Variants in TGFBR1 observed in about 807,000 individuals in gnomAD.
The protein encoded by TGFBR1 is TGF-beta receptor type-1.
TGFBR1 carries 20 observed loss-of-function variants against 55.1 expected under a neutral mutation model. That is an observed-to-expected ratio of 0.36 (90% CI 0.26 to 0.53). The LOEUF (loss-of-function observed/expected upper bound fraction) is 0.53. Among genes scored for constraint, TGFBR1 ranks in the 20% least tolerant of loss-of-function variants. The pLI is 0.91. For missense variants in TGFBR1, 385 were observed against 617.6 expected (o/e 0.62, Z 3.99); for synonymous variants, 220 against 214.8 (o/e 1.02, Z -0.21).
chr9:99,131,389 C>A (rs1451772448), intron 2 of TGFBR1, among the ~76,000 whole-genome samples: 2 of 152,056 alleles, frequency 1.3e-5, no homozygotes, highest in Non-Finnish European at 2.9e-5. Context: ...AAAGAAATTA[C>A]TAGAAATAGG....
chr9:99,128,499 A>AAG (rs1554698810), intron 1 of TGFBR1, among the ~76,000 whole-genome samples: 1 of 148,618 alleles, frequency 6.7e-6, no homozygotes, highest in Non-Finnish European at 1.5e-5. Flanking sequence ...AAAAAAAAAA[A>AAG]GTATAACCAT....
Position 99,132,740 on chromosome 9 carries a change from G to A in TGFBR1, c.574+1G>A. ...ATGACAACGTCAGGTTCTGGCTCAG[G>A]TAACATAATTGTTTCTCCTTTTTCC... is the stretch of plus-strand genomic sequence containing the variant. On this transcript the variant is annotated splice_donor_variant, in intron 3 of 8. Transcript: ENST00000374994. LOFTEE classifies it high-confidence loss of function. 1.9e-6 allele frequency: 3 copies of A among 1,614,122 alleles called. No homozygotes were observed. The highest frequency in any genetic ancestry group is 2.5e-6 in the Non-Finnish European group (3 of 1,180,010).
At chr9:99,120,348 T>C (rs1380989620) in intron 1 of TGFBR1, among the ~76,000 whole-genome samples, 1 of 152,218 alleles carries the variant, frequency 6.6e-6, no homozygotes. Context: ...ATAAGAAATT[T>C]GGTTATTGTT....
At chr9:99,112,249 A>C (rs1196552258) in intron 1 of TGFBR1, among the ~76,000 whole-genome samples, 1 of 152,166 alleles carries the variant, frequency 6.6e-6, no homozygotes, top group Non-Finnish European at 1.5e-5. Flanking sequence ...TTTGAAACAA[A>C]GAAATCAGAG....
chr9:99,144,707 T>C (rs774778668), intron 5 of TGFBR1, 25 bp from the exon 6 acceptor site: 16 of 1,613,190 alleles, frequency 9.9e-6, no homozygotes, highest in Non-Finnish European at 1.4e-5. Context: ...TTTTAAGCAG[T>C]CATGTTTAAT....
intron 1 of TGFBR1, chr9:99,127,637 T>C (rs1247263474): frequency 1.1e-5 from 3 of 268,172 alleles, no homozygotes; most frequent in Non-Finnish European, 2.2e-5. Flanking sequence ...GCAAGTTAGC[T>C]CTTCAGGGAG....
intron 1 of TGFBR1, among the ~76,000 whole-genome samples, chr9:99,119,312 C>T (rs1014102475): frequency 2.6e-5 from 4 of 152,134 alleles, no homozygotes; most frequent in African/African-American, 9.7e-5. Context: ...GTATGTCATT[C>T]CCCTAGCCCA....
rs76392135 is a variant in TGFBR1 at position 99,152,008 on chromosome 9, G to C, written c.*2703G>C. On this transcript the variant is annotated 3_prime_UTR_variant, in exon 9 of 9. Transcript: ENST00000374994. ...GGAGAAATGGGGATGGGGGAAATAC[G>C]ACTTAGTGAGGCATAGACATCCCTG... 1.0e-5 allele frequency: 2 copies of C among 197,610 alleles called. No homozygotes were observed. The highest frequency in any genetic ancestry group is 2.1e-5 in the Non-Finnish European group (2 of 95,440). The allele number at this position is 197,610 out of a possible 1,614,324, so 12.2% of individuals were successfully genotyped here. A position where few individuals can be genotyped will look rare whatever the true frequency, so the allele number is the denominator to read the frequency against.
At position 99,124,966 on chromosome 9, in the gene TGFBR1, C is replaced by T. The variant is rs1826997225; in HGVS notation, c.98-3889C>T. On this transcript the variant is annotated intron_variant, in intron 1 of 8. Coordinates refer to ENST00000374994, the MANE Select transcript of TGFBR1 (RefSeq NM_004612.4). Reference sequence around the variant, plus strand: ...ATATAAAACCCTTATGTTCTTGGCTCATACACCACTATAAACCAAATCTGC... The same window carrying T: ...ATATAAAACCCTTATGTTCTTGGCTTATACACCACTATAAACCAAATCTGC... 2.0e-5 allele frequency among the ~76,000 whole-genome samples: 3 copies of T among 152,026 alleles called. No homozygotes were observed. In the South Asian group the frequency reaches 6.2e-4, roughly 32 times the overall value.
rs1827839566 is a variant in TGFBR1, at chr9:99,147,652, A to C, written c.1256-2A>C. The C allele has an allele frequency of 6.2e-7, 1 of 1,612,816 alleles. No individual in the cohort carries two copies. Among genetic ancestry groups the C allele is most frequent in the South Asian group, 1.1e-5 (1 of 91,070 alleles). ...AATTTAATTTTTTTTAAACTGATAC[A>C]GGAATTCATGAAGATTACCAACTGC... On this transcript the variant is annotated splice_acceptor_variant, in intron 7 of 8. Coordinates refer to ENST00000374994, the MANE Select transcript of TGFBR1 (RefSeq NM_004612.4). LOFTEE classifies it high-confidence loss of function.
intron 1 of TGFBR1, among the ~76,000 whole-genome samples, chr9:99,105,863 T>A (rs2118182082): frequency 6.6e-6 from 1 of 152,164 alleles, no homozygotes; most frequent in South Asian, 2.1e-4. Flanking sequence ...GGGGGCGACG[T>A]GTGGTGAGAC....
intron 1 of TGFBR1, among the ~76,000 whole-genome samples, chr9:99,120,581 A>G (rs1452345344): frequency 6.6e-6 from 1 of 152,196 alleles, no homozygotes. Context: ...ACATGCTTCT[A>G]AAATACCAGT....
In TGFBR1 at chr9:99,129,031, A is replaced by C. The variant is rs1382306770; in HGVS notation, c.274A>C (p.Thr92Pro). The change falls in exon 2 of 9, where the codon ACT (threonine) becomes CCT (proline). Residue 92 changes from threonine to proline, a missense_variant. Coordinates refer to ENST00000374994, the MANE Select transcript of TGFBR1 (RefSeq NM_004612.4). Reference protein sequence around the residue: ...RPFVCAPSSKTGSVTTTYCCN... With the variant: ...RPFVCAPSSKPGSVTTTYCCN... Reference sequence around the variant, plus strand: ...GTTTGTATGTGCACCCTCTTCAAAAACTGGGTCTGTGACTACAACATATTG... The same window carrying C: ...GTTTGTATGTGCACCCTCTTCAAAACCTGGGTCTGTGACTACAACATATTG... The C allele has an allele frequency of 6.2e-7, 1 of 1,613,966 alleles. No homozygotes were observed. Among genetic ancestry groups the C allele is most frequent in the Admixed American group, 1.7e-5 (1 of 59,986 alleles).
chr9:99,134,652 C>T (rs1827363266), intron 3 of TGFBR1, among the ~76,000 whole-genome samples: 1 of 151,496 alleles, frequency 6.6e-6, no homozygotes, highest in South Asian at 2.1e-4. Flanking sequence ...CGGAAAGACA[C>T]AGCACTCATG....
rs1554702262 is a variant in TGFBR1 at position 99,146,610 on chromosome 9, G to A, written c.1255+1G>A. ...ATTGCTCGACGATGTTCCATTGGTG[G>A]TAAATTGCTCTCCTCTCCCCCAGTA... On this transcript the variant is annotated splice_donor_variant, in intron 7 of 8. Transcript: ENST00000374994. LOFTEE classifies it high-confidence loss of function. The A allele has an allele frequency of 1.2e-6, 2 of 1,613,902 alleles. No individual in the cohort carries two copies. Among genetic ancestry groups the A allele is most frequent in the Non-Finnish European group, 1.7e-6 (2 of 1,179,840 alleles).
intron 1 of TGFBR1, among the ~76,000 whole-genome samples, chr9:99,123,718 C>G (rs1826958966): frequency 6.6e-6 from 1 of 152,014 alleles, no homozygotes; most frequent in Non-Finnish European, 1.5e-5. Flanking sequence ...ACTGAATTGC[C>G]TAGATGATAT....
intron 1 of TGFBR1, among the ~76,000 whole-genome samples, chr9:99,107,117 C>T (rs1564123626): frequency 6.6e-6 from 1 of 152,302 alleles, no homozygotes; most frequent in African/African-American, 2.4e-5. Context: ...AGTCCATGTC[C>T]TGGAGGAGTT....
intron 1 of TGFBR1, among the ~76,000 whole-genome samples, chr9:99,115,703 GTACTTTC>G (rs1826715202): frequency 6.6e-6 from 1 of 152,102 alleles, no homozygotes; most frequent in African/African-American, 2.4e-5. Flanking sequence ...GTTGATTTGA[GTACTTTC>G]TCCAGTTGAA....
intron 1 of TGFBR1, among the ~76,000 whole-genome samples, chr9:99,112,769 G>A (rs964890381): frequency 9.2e-5 from 14 of 152,088 alleles, no homozygotes; most frequent in Admixed American, 7.2e-4. Context: ...AAGGGGAGAC[G>A]AATTCTGGTT....
Sources: gnomAD v4.1 joint callset for allele counts (sites outside exome capture counted in the v4.1 genomes callset) on GRCh38, gnomAD v4.1.1 for gene constraint, MANE v1.5 for transcripts, NCBI Gene and HGNC (gene_info 2026-07-23, HGNC 2026-07-21) for gene names.